The following SNX5 variants were observed in gnomAD, a reference collection of about 807,000 sequenced individuals.
SNX5 encodes the protein sorting nexin-5.
SNX5 carries 31 observed loss-of-function variants against 53.9 expected under a neutral mutation model. That is an observed-to-expected ratio of 0.58 (90% CI 0.43 to 0.78). The LOEUF is 0.78. Among genes scored for constraint, SNX5 ranks in the 30% least tolerant of loss-of-function variants. The pLI, the probability that SNX5 is intolerant of heterozygous loss-of-function variation, is 0.00. For synonymous variants in SNX5, 168 were observed against 171.1 expected (o/e 0.98, Z 0.14); for missense variants, 471 against 478.8 (o/e 0.98, Z 0.15).
At chr20:17,954,303 T>C (rs1427332662) in intron 3 of SNX5, 186 bp from the exon 4 acceptor site, 5 of 839,366 alleles carry the variant, frequency 6.0e-6, no homozygotes, top group Non-Finnish European at 8.7e-6. Flanking sequence ...TGAGGTGTCT[T>C]CCTGAGAGTT....
At chr20:17,944,272 AG>A (rs1369686047) in intron 11 of SNX5, 1 of 152,224 alleles carries the variant, frequency 6.6e-6, no homozygotes, top group Non-Finnish European at 1.5e-5. Context: ...ACTGCACAAC[AG>A]GGTGACTACA....
At chr20:17,956,527 G>C (rs1364836347) in intron 2 of SNX5, among the ~76,000 whole-genome samples, 1 of 152,018 alleles carries the variant, frequency 6.6e-6, no homozygotes, top group Non-Finnish European at 1.5e-5. Context: ...TCAGGAGTTT[G>C]AGCCGAGTGT....
rs111636235 is a variant in SNX5 at position 17,946,068 on chromosome 20, T to A, written c.1078+1418A>T. On this transcript the variant is annotated intron_variant, in intron 11 of 12. Coordinates refer to ENST00000377759, the MANE Select transcript of SNX5 (RefSeq NM_014426.4). Reference sequence around the variant, plus strand: ...AGAACCCCAGAGAAGATCCACAGAATCCTCTTAGGTAAGGACTACATATTA... The same window carrying A: ...AGAACCCCAGAGAAGATCCACAGAAACCTCTTAGGTAAGGACTACATATTA... 5.4e-3 allele frequency among the ~76,000 whole-genome samples: 815 copies of A among 152,234 alleles called. 6 individuals are homozygous for A. Among genetic ancestry groups the A allele is most frequent in the African/African-American group, 0.019 (777 of 41,540 alleles).
intron 1 of SNX5, among the ~76,000 whole-genome samples, chr20:17,964,490 C>T (rs1055269289): frequency 2.0e-5 from 3 of 152,162 alleles, no homozygotes; most frequent in South Asian, 2.1e-4. Context: ...CTTTAGGCAG[C>T]ATGTGAAGGT....
At chr20:17,943,458 G>T in intron 11 of SNX5, 1 of 415,574 alleles carries the variant, frequency 2.4e-6, no homozygotes, top group South Asian at 2.5e-5. Flanking sequence ...ATGACTTGGA[G>T]AACACGTTGA....
At chr20:17,946,441 A>G (rs1310695501) in intron 11 of SNX5, among the ~76,000 whole-genome samples, 1 of 152,242 alleles carries the variant, frequency 6.6e-6, no homozygotes, top group African/African-American at 2.4e-5. Context: ...GGCTGTTACA[A>G]CCACATGCCA....
intron 1 of SNX5, chr20:17,961,534 A>C: frequency 2.0e-6 from 2 of 985,256 alleles, no homozygotes; most frequent in Non-Finnish European, 2.4e-6. Flanking sequence ...ATTTGTATAC[A>C]ATGTAAGACA....
intron 1 of SNX5, chr20:17,962,902 A>AGT (rs775232312): frequency 5.8e-6 from 3 of 518,942 alleles, no homozygotes; most frequent in Non-Finnish European, 1.2e-5. Flanking sequence ...GAAGAAGGTC[A>AGT]GTGCAGCGCA....
chr20:17,957,210 T>A (rs1600346999), intron 1 of SNX5, among the ~76,000 whole-genome samples, 173 bp from the exon 2 acceptor site: 1 of 151,828 alleles, frequency 6.6e-6, no homozygotes, highest in African/African-American at 2.4e-5. Flanking sequence ...CCAAGGCGGG[T>A]GGTTCACAGG....
intron 2 of SNX5, among the ~76,000 whole-genome samples, chr20:17,955,777 T>C (rs759210594): frequency 1.1e-4 from 17 of 152,004 alleles, no homozygotes; most frequent in Non-Finnish European, 2.4e-4. Flanking sequence ...TTTGTTTCTG[T>C]GTACTTTTTT....
intron 6 of SNX5, among the ~76,000 whole-genome samples, chr20:17,950,813 T>C (rs1201117430): frequency 1.3e-5 from 2 of 152,186 alleles, no homozygotes; most frequent in Admixed American, 6.5e-5. Flanking sequence ...CAATGCCAAA[T>C]ATCCCATAAT....
rs6111756 is a variant in SNX5, at chr20:17,953,329, G to A, written c.390-619C>T. Reference sequence around the variant, plus strand: ...ATGAGTACTTTTCAGCTAAGATGAGGAAATGCAAGGATGGATTCATAAGAA... The same window carrying A: ...ATGAGTACTTTTCAGCTAAGATGAGAAAATGCAAGGATGGATTCATAAGAA... On this transcript the variant is annotated intron_variant, in intron 4 of 12. Transcript: ENST00000377759. Among the ~76,000 whole-genome samples, 318 of 152,322 alleles carry A rather than the reference G, an allele frequency of 2.1e-3. 1 individual carries two copies. Among genetic ancestry groups the A allele is most frequent in the African/African-American group, 7.4e-3 (309 of 41,558 alleles).
At chr20:17,946,107 T>C (rs889238186) in intron 11 of SNX5, among the ~76,000 whole-genome samples, 2 of 152,098 alleles carry the variant, frequency 1.3e-5, no homozygotes, top group African/African-American at 2.4e-5. Context: ...TCATGTTCAA[T>C]AGAAATGGTG....
chr20:17,946,000 T>C (rs2039483555), intron 11 of SNX5, among the ~76,000 whole-genome samples: 1 of 152,210 alleles, frequency 6.6e-6, no homozygotes, highest in Non-Finnish European at 1.5e-5. Context: ...ACATTCTGGG[T>C]AATCCATTCC....
rs111809887 is a variant in SNX5, at chr20:17,958,977, G to C, written c.52-1940C>G. ...AGCCATGGTCTCTGGAGGAGACATA[G>C]GACAGCTCACAGGACAGGTCTAAGG... On this transcript the variant is annotated intron_variant, in intron 1 of 12. Coordinates refer to ENST00000377759, the MANE Select transcript of SNX5 (RefSeq NM_014426.4). Among the ~76,000 whole-genome samples the C allele has an allele frequency of 9.8e-3, 1,500 of 152,304 alleles. 23 individuals are homozygous for C. The highest frequency in any genetic ancestry group is 0.035 in the African/African-American group (1,444 of 41,550).
chr20:17,963,133 C>T (rs964094326), intron 1 of SNX5, among the ~76,000 whole-genome samples: 4 of 152,190 alleles, frequency 2.6e-5, no homozygotes, highest in Non-Finnish European at 5.9e-5. Flanking sequence ...CAGATAAATC[C>T]TACTGGGAAT....
intron 4 of SNX5, among the ~76,000 whole-genome samples, chr20:17,953,783 T>C (rs1304278193): frequency 6.6e-6 from 1 of 152,188 alleles, no homozygotes; most frequent in African/African-American, 2.4e-5. Context: ...CGGGTATTAG[T>C]GTCAATGGCC....
chr20:17,948,745 G>T, intron 10 of SNX5, 145 bp downstream of exon 10: 1 of 664,028 alleles, frequency 1.5e-6, no homozygotes, highest in Non-Finnish European at 2.6e-6. Context: ...AGATACACAA[G>T]CTTTATGGAT....
intron 1 of SNX5, chr20:17,967,629 A>G (rs2035570763): frequency 6.5e-6 from 1 of 154,952 alleles, no homozygotes; most frequent in Non-Finnish European, 1.4e-5. Flanking sequence ...CTCGCAAACC[A>G]TGCATCGCAA....
Sources: gnomAD v4.1 joint callset for allele counts (sites outside exome capture counted in the v4.1 genomes callset) on GRCh38, gnomAD v4.1.1 for gene constraint, MANE v1.5 for transcripts, NCBI Gene and HGNC (gene_info 2026-07-23, HGNC 2026-07-21) for gene names.